Variants in SGCE observed in about 807,000 individuals in gnomAD.
The protein encoded by SGCE is sarcoglycan epsilon.
Under a neutral mutation model 57.8 loss-of-function variants are expected in SGCE, and 26 were observed. The observed-to-expected ratio is 0.45, with a 90% CI of 0.33 to 0.62. SGCE has a LOEUF of 0.62. Among genes scored for constraint, SGCE ranks in the 20% least tolerant of loss-of-function variants. The pLI, the probability that SGCE is intolerant of heterozygous loss-of-function variation, is 0.02. For missense variants in SGCE, 468 were observed against 548.6 expected (o/e 0.85, Z 1.47); for synonymous variants, 183 against 189.5 (o/e 0.97, Z 0.28).
At chr7:94,654,498 G>A (rs1808318231) in intron 1 of SGCE, among the ~76,000 whole-genome samples, 1 of 152,336 alleles carries the variant, frequency 6.6e-6, no homozygotes, top group Admixed American at 6.5e-5. Flanking sequence ...CTATCTTGCA[G>A]AAGAGGGTGA....
chr7:94,655,935 G>T, intron 1 of SGCE, 55 bp downstream of exon 1: 1 of 1,147,636 alleles, frequency 8.7e-7, no homozygotes, highest in Non-Finnish European at 1.3e-6. Flanking sequence ...GCGGGGGAGG[G>T]GGAGGCGGCG....
intron 3 of SGCE, chr7:94,623,976 C>T (rs1803264199): frequency 5.2e-6 from 2 of 383,524 alleles, no homozygotes; most frequent in Non-Finnish European, 9.2e-6. Flanking sequence ...ACAAATCAAT[C>T]CCTTCATACG....
At chr7:94,612,433 T>C (rs1393613910) in intron 5 of SGCE, among the ~76,000 whole-genome samples, 1 of 152,208 alleles carries the variant, frequency 6.6e-6, no homozygotes, top group Admixed American at 6.5e-5. Flanking sequence ...TATAATTTTG[T>C]ATCCTGCTTT....
chr7:94,603,406 G>A lies in SGCE; in HGVS notation c.709C>T (p.Arg237Ter), dbSNP rs398123812. The change falls in exon 6 of 11, where the codon CGA becomes TGA. Residue 237 changes from arginine (R) to a stop codon, truncating the protein, a stop_gained. Coordinates refer to ENST00000648936, the MANE Select transcript of SGCE (RefSeq NM_003919.3). LOFTEE classifies it high-confidence loss of function. ...GADVPFSSCL[R>*]EVENPQNQLR... The stretch of plus-strand genomic sequence containing the variant: ...TGATTCTGTGGATTTTCAACTTCTC[G>A]TAAACAAGAAGAAAACGGGACATCT... The A allele has an allele frequency of 6.2e-7, 1 of 1,613,026 alleles. No homozygotes were observed. Among genetic ancestry groups the A allele is most frequent in the Non-Finnish European group, 8.5e-7 (1 of 1,179,320 alleles).
intron 4 of SGCE, chr7:94,620,331 A>G (rs891572606): frequency 4.6e-5 from 7 of 152,180 alleles, no homozygotes; most frequent in African/African-American, 1.7e-4. Flanking sequence ...CTAATCATAG[A>G]AAGTTCTTTG....
chr7:94,623,353 A>G lies in SGCE; in HGVS notation c.435T>C (p.Asn145=). Residue 145 remains asparagine, a synonymous_variant, in exon 4 of 11, where the codon AAT becomes AAC. Coordinates refer to ENST00000648936, the MANE Select transcript of SGCE (RefSeq NM_003919.3). ...NRRTFETARH[N]LIINIMSAED... ...CTGCAGACATTATATTAATTATCAA[A>G]TTATGCCTTGCAGTCTCAAAGGTGC... 2 of 1,604,920 alleles carry G rather than the reference A, an allele frequency of 1.2e-6. No individual in the cohort carries two copies. Among genetic ancestry groups the G allele is most frequent in the Non-Finnish European group, 1.7e-6 (2 of 1,173,004 alleles).
intron 6 of SGCE, among the ~76,000 whole-genome samples, chr7:94,601,443 CAAAAA>C (rs71123905): frequency 5.5e-4 from 49 of 89,308 alleles, no homozygotes; most frequent in East Asian, 2.5e-3. Context: ...ATCCCAGTAT[CAAAAA>C]AAAAAAAAAA....
intron 5 of SGCE, among the ~76,000 whole-genome samples, chr7:94,611,498 G>A (rs1801031258): frequency 6.6e-6 from 1 of 151,748 alleles, no homozygotes; most frequent in Admixed American, 6.6e-5. Flanking sequence ...GGTGGGGGTG[G>A]GGGTGACTTC....
At chr7:94,611,136 G>A (rs774973325) in intron 5 of SGCE, among the ~76,000 whole-genome samples, 5 of 152,142 alleles carry the variant, frequency 3.3e-5, no homozygotes, top group Non-Finnish European at 7.4e-5. Context: ...CCAGCAACTC[G>A]ATTCCTAGGG....
chr7:94,590,989 AAAT>A (rs1797601856), intron 9 of SGCE: 1 of 152,132 alleles, frequency 6.6e-6, no homozygotes, highest in Admixed American at 6.6e-5. Context: ...ATTACTAGGG[AAAT>A]AATAAACTCA....
chr7:94,614,433 C>G lies in SGCE; in HGVS notation c.662+4325G>C, dbSNP rs1801573768. ...GGTCCCTAATGCTTCAGGATGAAAT[C>G]CAAATAACTTTTCCCAGAAGACAAC... On this transcript the variant is annotated intron_variant, in intron 5 of 10. Transcript: ENST00000648936. Among the ~76,000 whole-genome samples, 3 of 152,184 alleles carry G rather than the reference C, an allele frequency of 2.0e-5. No homozygotes were observed. In the South Asian group the frequency reaches 6.2e-4, roughly 32 times the overall value.
intron 1 of SGCE, chr7:94,639,475 A>C (rs1562885292): frequency 7.4e-7 from 1 of 1,353,186 alleles, no homozygotes; most frequent in Non-Finnish European, 1.0e-6. Flanking sequence ...AAATGTACAA[A>C]AAAATGAAAT....
At chr7:94,601,470 A>AAAAAC (rs1799249675) in intron 6 of SGCE, among the ~76,000 whole-genome samples, 1 of 130,092 alleles carries the variant, frequency 7.7e-6, no homozygotes, top group East Asian at 2.1e-4. Flanking sequence ...AAAAAAAAAA[A>AAAAAC]AAAAAACTAC....
chr7:94,624,734 C>T (rs2116929910), intron 3 of SGCE: 1 of 152,162 alleles, frequency 6.6e-6, no homozygotes, highest in South Asian at 2.1e-4. Context: ...TGATCCTCTA[C>T]TATTTGTTAC....
At chr7:94,603,219 G>T in intron 6 of SGCE, 71 bp downstream of exon 6, 1 of 1,214,306 alleles carries the variant, frequency 8.2e-7, no homozygotes, top group East Asian at 2.4e-5. Context: ...AAGCAGTTCA[G>T]GTTTTAGTCA....
chr7:94,641,400 C>G (rs545001947), intron 1 of SGCE, among the ~76,000 whole-genome samples: 18 of 152,194 alleles, frequency 1.2e-4, no homozygotes, highest in African/African-American at 4.3e-4. Flanking sequence ...TGAAGAGTAG[C>G]AAGGTGGACA....
At chr7:94,649,006 C>T (rs1406677570) in intron 1 of SGCE, among the ~76,000 whole-genome samples, 1 of 152,132 alleles carries the variant, frequency 6.6e-6, no homozygotes, top group Non-Finnish European at 1.5e-5. Context: ...CCAGAGCTGC[C>T]TAACTCCTAT....
At chr7:94,593,887 T>G (rs1798029212) in intron 9 of SGCE, among the ~76,000 whole-genome samples, 1 of 152,106 alleles carries the variant, frequency 6.6e-6, no homozygotes, top group East Asian at 1.9e-4. Context: ...TTAAGTCTTT[T>G]GATTATTAAG....
chr7:94,605,492 T>C (rs1321273638), intron 5 of SGCE, among the ~76,000 whole-genome samples: 1 of 151,142 alleles, frequency 6.6e-6, no homozygotes, highest in Non-Finnish European at 1.5e-5. Flanking sequence ...TATACACTTA[T>C]AGATAAGCAA....
Sources: gnomAD v4.1 joint callset for allele counts (sites outside exome capture counted in the v4.1 genomes callset) on GRCh38, gnomAD v4.1.1 for gene constraint, MANE v1.5 for transcripts, NCBI Gene and HGNC (gene_info 2026-07-23, HGNC 2026-07-21) for gene names.